Variants in WDR43 observed in about 807,000 individuals in gnomAD.
WDR43 encodes WD repeat domain 43, also known as WD repeat-containing protein 43.
In WDR43, 13 loss-of-function variants were observed where a neutral mutation model predicts 91.4. The ratio of observed to expected loss-of-function variants is 0.14; its 90% CI spans 0.09 to 0.23. The LOEUF is 0.23. Ranked by LOEUF, WDR43 falls within the 10% of genes least tolerant of loss-of-function variation. The pLI is 1.00. For missense variants in WDR43, 780 were observed against 809.4 expected (o/e 0.96, Z 0.44); for synonymous variants, 331 against 287.9 (o/e 1.15, Z -1.51).
At chr2:28,924,846 C>G in intron 7 of WDR43, 136 bp from the exon 8 acceptor site, 2 of 956,704 alleles carry the variant, frequency 2.1e-6, no homozygotes, top group Non-Finnish European at 3.1e-6. Flanking sequence ...ACTCATGCTC[C>G]GGAGACCCAG....
intron 9 of WDR43, chr2:28,927,132 G>T (rs1558379036): frequency 1.9e-6 from 1 of 519,632 alleles, no homozygotes; most frequent in South Asian, 1.4e-5. Flanking sequence ...CTTTCTCTTG[G>T]CTGTCTGAGC....
intron 10 of WDR43, 41 bp downstream of exon 10, chr2:28,927,741 T>G: frequency 6.2e-7 from 1 of 1,607,622 alleles, no homozygotes; most frequent in Non-Finnish European, 8.5e-7. Flanking sequence ...GTTTGTGATT[T>G]AAAATTACTG....
At chr2:28,930,076 T>A (rs894373049) in intron 11 of WDR43, 1 of 473,624 alleles carries the variant, frequency 2.1e-6, no homozygotes, top group Non-Finnish European at 4.4e-6. Flanking sequence ...GTTCCTGAGT[T>A]TTTACTCTGG....
At chr2:28,918,215 T>G (rs1670953690) in intron 6 of WDR43, among the ~76,000 whole-genome samples, 2 of 152,190 alleles carry the variant, frequency 1.3e-5, no homozygotes, top group African/African-American at 4.8e-5. Context: ...AATTCAGGAA[T>G]TCATTATGTG....
At chr2:28,944,777 A>G (rs1671511119) in intron 16 of WDR43, among the ~76,000 whole-genome samples, 1 of 152,252 alleles carries the variant, frequency 6.6e-6, no homozygotes, top group Admixed American at 6.5e-5. Flanking sequence ...ATTCGATTTG[A>G]TAACTGAGGT....
chr2:28,922,885 C>A, intron 6 of WDR43, 34 bp from the exon 7 acceptor site: 6 of 1,530,010 alleles, frequency 3.9e-6, no homozygotes, highest in Non-Finnish European at 4.4e-6. Context: ...AGTATGTTAT[C>A]CATTATAATA....
At chr2:28,903,638 A>G (rs1572579991) in intron 2 of WDR43, among the ~76,000 whole-genome samples, 1 of 152,134 alleles carries the variant, frequency 6.6e-6, no homozygotes, top group Non-Finnish European at 1.5e-5. Context: ...ATTCTTCCCT[A>G]TATTCTTCCC....
At position 28,937,969 on chromosome 2, in the gene WDR43, C is replaced by T; in HGVS notation, c.1595C>T (p.Thr532Ile). The change falls in exon 14 of 18, where the codon ACA (threonine) becomes ATA (isoleucine). Residue 532 changes from threonine to isoleucine, a missense_variant. Physicochemically the swap from Thr to Ile is moderately conservative, Grantham distance 89. Coordinates refer to ENST00000407426, the MANE Select transcript of WDR43 (RefSeq NM_015131.3). ...LMVQWLKCVL[T>I]VHASYLSTLP... ...GTTCAGTGGCTAAAATGTGTGTTAA[C>T]AGTTCATGCATCATACCTGTCCACG... 1 of 1,613,776 alleles carries T rather than the reference C, an allele frequency of 6.2e-7. No homozygotes were observed.
At chr2:28,901,313 T>A (rs1038716425) in intron 1 of WDR43, among the ~76,000 whole-genome samples, 6 of 152,338 alleles carry the variant, frequency 3.9e-5, no homozygotes, top group Admixed American at 3.9e-4. Context: ...TAACATCACT[T>A]TTGAAATGAA....
chr2:28,901,884 T>C, intron 1 of WDR43, 103 bp from the exon 2 acceptor site: 1 of 1,188,782 alleles, frequency 8.4e-7, no homozygotes, highest in Non-Finnish European at 1.1e-6. Context: ...CTTCCCCCCT[T>C]TTAAAATGTC....
intron 16 of WDR43, 30 bp from the exon 17 acceptor site, chr2:28,946,420 A>G (rs1288408505): frequency 2.5e-6 from 4 of 1,594,874 alleles, no homozygotes; most frequent in East Asian, 2.2e-5. Flanking sequence ...TTGTTCTAAA[A>G]TTAAGGCTGG....
At chr2:28,912,534 C>T in intron 3 of WDR43, 56 bp from the exon 4 acceptor site, 2 of 1,571,986 alleles carry the variant, frequency 1.3e-6, no homozygotes, top group Non-Finnish European at 1.7e-6. Flanking sequence ...ATTTTCTGCT[C>T]TGAGTAAAGT....
rs1446303529 is a variant in WDR43, at chr2:28,910,784, G to GC, written c.486-1804dup. On this transcript the variant is annotated intron_variant, in intron 3 of 17. Transcript: ENST00000407426. ...GGTGTCTCAGCTCACTGTAAACTCT[G>GC]CCTCCGGGGTTCAAGCAATCCTCCT... is the stretch of plus-strand genomic sequence containing the variant. 4.0e-5 allele frequency among the ~76,000 whole-genome samples: 6 copies of GC among 151,638 alleles called. No individual in the cohort carries two copies. In the East Asian group the frequency reaches 1.2e-3, roughly 29 times the overall value.
intron 16 of WDR43, among the ~76,000 whole-genome samples, chr2:28,945,847 T>C (rs1671533871): frequency 6.6e-6 from 1 of 152,192 alleles, no homozygotes; most frequent in Non-Finnish European, 1.5e-5. Context: ...ACTTTATGGG[T>C]TAAATAATGC....
chr2:28,895,128 G>C (rs962710981), intron 1 of WDR43: 3 of 414,914 alleles, frequency 7.2e-6, no homozygotes, highest in Non-Finnish European at 1.2e-5. Context: ...GGCGCAGCTC[G>C]ACCCGGCCGG....
At position 28,946,430 on chromosome 2, in the gene WDR43, G is replaced by A. The variant is rs1215690423; in HGVS notation, c.1805-20G>A. 3 of 1,602,296 alleles carry A rather than the reference G, an allele frequency of 1.9e-6. No individual in the cohort carries two copies. Among genetic ancestry groups the A allele is most frequent in the African/African-American group, 1.3e-5 (1 of 74,556 alleles). On this transcript the variant is annotated intron_variant, in intron 16 of 17. Transcript: ENST00000407426. ...CTGTTTTGTTCTAAAATTAAGGCTGGGTTCTTTCTCCCCTTACAGAGTCTT... is the reference window on the plus strand; with the variant it reads ...CTGTTTTGTTCTAAAATTAAGGCTGAGTTCTTTCTCCCCTTACAGAGTCTT...
intron 2 of WDR43, among the ~76,000 whole-genome samples, chr2:28,903,237 C>T (rs1670611171): frequency 6.6e-6 from 1 of 152,006 alleles, no homozygotes; most frequent in South Asian, 2.1e-4. Context: ...ACTTGTTGAC[C>T]ATTTAGGGGT....
At chr2:28,907,358 C>T (rs11684312) in intron 3 of WDR43, among the ~76,000 whole-genome samples, 38,789 of 150,210 alleles carry the variant, frequency 0.26, 6,175 homozygotes, top group East Asian at 0.77. Flanking sequence ...TGCAGTGGCT[C>T]ATGCCTGTAA....
Position 28,917,947 on chromosome 2 carries a change from C to T in WDR43, c.801C>T (p.Thr267=), listed in dbSNP as rs781419962. The T allele has an allele frequency of 8.2e-6, 13 of 1,586,690 alleles. No individual in the cohort carries two copies. The highest frequency in any genetic ancestry group is 2.3e-5 in the East Asian group (1 of 44,042). The change falls in exon 6 of 18, where the codon ACC becomes ACT. Residue 267 remains threonine, a synonymous_variant. Coordinates refer to ENST00000407426, the MANE Select transcript of WDR43 (RefSeq NM_015131.3). ...EKSAVMSFTV[T]DEPVYIDLTL... is the part of the protein sequence containing the mutation. ...GTGCAGTGATGTCATTTACAGTTAC[C>T]GATGAACCTGTCTATATTGACTTAA...
Sources: allele counts gnomAD v4.1 joint callset (sites outside exome capture counted in the v4.1 genomes callset), GRCh38; gene constraint gnomAD v4.1.1; transcripts MANE v1.5; gene names NCBI Gene and HGNC (gene_info 2026-07-23, HGNC 2026-07-21).